The following PFAS variants were observed in gnomAD, a reference collection of about 807,000 sequenced individuals.
PFAS encodes the protein FGAM synthase.
In PFAS, 97 loss-of-function variants were observed where a neutral mutation model predicts 140.6. The observed-to-expected ratio is 0.69, with a 90% CI of 0.59 to 0.82. The LOEUF (loss-of-function observed/expected upper bound fraction) is 0.82. PFAS is among the 40% of genes least tolerant of loss of function. The pLI, the probability that PFAS is intolerant of heterozygous loss-of-function variation, is 0.00. For synonymous variants in PFAS, 679 were observed against 718.8 expected (o/e 0.94, Z 0.88); for missense variants, 1,656 against 1,780.2 (o/e 0.93, Z 1.26).
rs200602464 is a variant in PFAS, at chr17:8,268,822, C to T, written c.3672C>T (p.Gly1224=). The change falls in exon 27 of 28, where the codon GGC becomes GGT. Residue 1224 remains glycine (G), a synonymous_variant. Coordinates refer to ENST00000314666, the MANE Select transcript of PFAS (RefSeq NM_012393.3). ...CCCTGATGCTGCGAGGGATGGAGGG[C>T]GCCGTGCTGCCCGTGTGGAGTGCGC... ...GPALMLRGME[G]AVLPVWSAHG... The T allele has an allele frequency of 1.0e-5, 16 of 1,607,654 alleles. No homozygotes were observed. Among genetic ancestry groups the T allele is most frequent in the African/African-American group, 1.3e-5 (1 of 75,048 alleles).
At chr17:8,255,718 G>A (rs1239444604) in intron 5 of PFAS, 27 bp downstream of exon 5, 3 of 1,595,030 alleles carry the variant, frequency 1.9e-6, no homozygotes, top group Non-Finnish European at 8.5e-7. Context: ...GGAGATGTAG[G>A]GTCCAGGATA....
At position 8,265,538 on chromosome 17, in the gene PFAS, C is replaced by T. The variant is rs760934995; in HGVS notation, c.2462-18C>T. The T allele has an allele frequency of 1.2e-6, 2 of 1,613,580 alleles. No individual in the cohort carries two copies. The highest frequency in any genetic ancestry group is 2.2e-5 in the South Asian group (2 of 91,074). On this transcript the variant is annotated intron_variant, in intron 19 of 27. Coordinates refer to ENST00000314666, the MANE Select transcript of PFAS (RefSeq NM_012393.3). ...TGGGTTGGCAACTCATTCCTTTGGA[C>T]TCCTCCTTGCTCTACAGGGTCACTG...
At position 8,262,796 on chromosome 17, in the gene PFAS, A is replaced by G. The variant is rs543416319; in HGVS notation, c.1337-124A>G. On this transcript the variant is annotated intron_variant, in intron 11 of 27. Transcript: ENST00000314666. ...GGACAACAGAGCGAGACTCCATCTC[A>G]AAAAAAAAAAAGCTGGTCAGGCTTC... The G allele has an allele frequency of 4.7e-4, 110 of 232,476 alleles. 1 individual carries two copies. Among genetic ancestry groups the G allele is most frequent in the African/African-American group, 2.1e-3 (89 of 42,566 alleles). 14.4% of individuals were successfully genotyped at this position (232,476 alleles called of 1,614,324 possible).
rs761344231 is a variant in PFAS, at chr17:8,267,272, G to T, written c.3175+37G>T. On this transcript the variant is annotated intron_variant, in intron 24 of 27. Coordinates refer to ENST00000314666, the MANE Select transcript of PFAS (RefSeq NM_012393.3). This position sits in a 1 kb window ranked among gnomAD's most constrained non-coding sequence, Gnocchi z 4.9. Reference sequence around the variant, plus strand: ...TGTGCAGAGGCTCCGCGTCCTGGGGGCACTGAGCCTGGATGCCTGGGCCTG... The same window carrying T: ...TGTGCAGAGGCTCCGCGTCCTGGGGTCACTGAGCCTGGATGCCTGGGCCTG... 3 of 1,584,372 alleles carry T rather than the reference G, an allele frequency of 1.9e-6. No homozygotes were observed. The highest frequency in any genetic ancestry group is 2.7e-5 in the African/African-American group (2 of 74,422).
chr17:8,263,930 C>T lies in PFAS; in HGVS notation c.1785C>T (p.Asp595=), dbSNP rs553963292. 8 of 1,612,258 alleles carry T rather than the reference C, an allele frequency of 5.0e-6. No individual in the cohort carries two copies. The East Asian group carries it at 1.1e-4, about 22-fold the overall frequency. The change falls in exon 15 of 28, where the codon GAC becomes GAT. Residue 595 remains aspartate (D), a synonymous_variant. Transcript: ENST00000314666. The part of the protein sequence containing the change: ...PACFVGTITG[D]RRIVLVDDRE... ...GCTTCGTGGGCACCATCACTGGAGA[C>T]CGGAGAGTGAGTTGGCCCAGGGAGT... is the stretch of plus-strand genomic sequence containing the variant.
chr17:8,266,925 T>G lies in PFAS; in HGVS notation c.2967+27T>G, dbSNP rs769810583. The G allele has an allele frequency of 5.6e-6, 9 of 1,598,768 alleles. No homozygotes were observed. The highest frequency in any genetic ancestry group is 8.5e-7 in the Non-Finnish European group (1 of 1,175,186). On this transcript the variant is annotated intron_variant, in intron 23 of 27. Transcript: ENST00000314666. This position sits in a 1 kb window ranked among gnomAD's most constrained non-coding sequence, Gnocchi z 5.0. The stretch of plus-strand genomic sequence containing the variant: ...TGAGGAAGTGAGGGAGAGAGCGGTG[T>G]GCAGTGGGCAGTCAGAGTGGGGTGG...
At chr17:8,248,082 G>T, upstream of PFAS, 2 of 1,373,170 alleles carry the variant, frequency 1.5e-6, no homozygotes, top group African/African-American at 1.4e-5. Flanking sequence ...GCTCGCTTGG[G>T]GGTGGGGATG....
At position 8,257,813 on chromosome 17, in the gene PFAS, A is replaced by G. The variant is rs140737695; in HGVS notation, c.1082A>G (p.Asn361Ser). The G allele has an allele frequency of 2.1e-3, 3,364 of 1,613,762 alleles. 48 individuals are homozygous for G. In the South Asian group the frequency reaches 0.029, roughly 14 times the overall value. Residue 361 changes from asparagine to serine, a missense_variant, in exon 10 of 28, where the codon AAT (asparagine) becomes AGT (serine). By Grantham distance (46) the Asn-to-Ser change is conservative. Transcript: ENST00000314666. Reference protein sequence around the residue: ...CFGNLHIPGYNLPWEDPSFQY... With the variant: ...CFGNLHIPGYSLPWEDPSFQY... ...CTCTCTCCTTCCCTCCCAGGTTACA[A>G]TCTGCCCTGGGAGGATCCAAGCTTC...
At chr17:8,258,709 G>A (rs1012103133) in intron 11 of PFAS, among the ~76,000 whole-genome samples, 4 of 151,958 alleles carry the variant, frequency 2.6e-5, no homozygotes, top group Admixed American at 2.0e-4. Flanking sequence ...GGCATCTGCC[G>A]GGCATGGTGG....
intron 20 of PFAS, 86 bp from the exon 21 acceptor site, chr17:8,265,776 A>G: frequency 7.3e-7 from 1 of 1,366,246 alleles, no homozygotes; most frequent in Non-Finnish European, 1.0e-6. Flanking sequence ...GTCTCACCAC[A>G]TGCTGGGAAT....
chr17:8,247,787 G>A (rs1988882869), upstream of PFAS: 4 of 590,382 alleles, frequency 6.8e-6, no homozygotes, highest in South Asian at 2.0e-5. Flanking sequence ...AGAGTGAACG[G>A]AGACCAGTTT....
Position 8,266,135 on chromosome 17 carries a change from C to T in PFAS, c.2702-99C>T. 2 of 1,556,554 alleles carry T rather than the reference C, an allele frequency of 1.3e-6. No individual in the cohort carries two copies. The highest frequency in any genetic ancestry group is 1.2e-5 in the South Asian group (1 of 83,520). ...GGACGATGTACCCCAGATCCCCTGA[C>T]ATTCTGACACACACTCTTGATGGAC... is the stretch of plus-strand genomic sequence containing the variant. On this transcript the variant is annotated intron_variant, in intron 21 of 27. Coordinates refer to ENST00000314666, the MANE Select transcript of PFAS (RefSeq NM_012393.3). The surrounding 1 kb of genome is among the most constrained non-coding windows in gnomAD (Gnocchi z 5.0).
chr17:8,263,464 G>A, intron 13 of PFAS, 111 bp from the exon 14 acceptor site: 1 of 1,069,080 alleles, frequency 9.4e-7, no homozygotes. Flanking sequence ...GGGTGCGGCA[G>A]CAGTTGACAC....
In PFAS at chr17:8,255,514, C is replaced by G. The variant is rs199913413; in HGVS notation, c.397C>G (p.Pro133Ala). The G allele has an allele frequency of 1.3e-6, 2 of 1,517,774 alleles. No homozygotes were observed. Among genetic ancestry groups the G allele is most frequent in the Non-Finnish European group, 1.8e-6 (2 of 1,134,602 alleles). The allele number at this position is 1,517,774 out of a possible 1,614,324, so 94.0% of individuals were successfully genotyped here. A position where few individuals can be genotyped will look rare whatever the true frequency, so the allele number is the denominator to read the frequency against. Residue 133 changes from proline (P) to alanine (A), a missense_variant, in exon 5 of 28, where the codon CCG becomes GCG. Pro to Ala is a conservative substitution (Grantham distance 27). Coordinates refer to ENST00000314666, the MANE Select transcript of PFAS (RefSeq NM_012393.3). ...TCTGCACCCCTAGTTTGCCCACCCC[C>G]CGTCAGCTGAGGTGGAAGCCATTGC... ...RRYRLSFAHP[P>A]SAEVEAIALA... is the part of the protein sequence containing the mutation.
intron 10 of PFAS, 54 bp downstream of exon 10, chr17:8,257,992 G>A: frequency 2.5e-6 from 4 of 1,611,848 alleles, no homozygotes; most frequent in South Asian, 2.2e-5. Flanking sequence ...TGTGGGTGGG[G>A]TGTGCGACCC....
intron 11 of PFAS, among the ~76,000 whole-genome samples, chr17:8,260,867 G>A (rs536691668): frequency 9.2e-5 from 14 of 152,110 alleles, no homozygotes; most frequent in Admixed American, 2.0e-4. Flanking sequence ...CTCGTGATCC[G>A]CCTGCCTCAG....
At chr17:8,257,252 T>C (rs1243517674) in intron 9 of PFAS, among the ~76,000 whole-genome samples, 1 of 152,244 alleles carries the variant, frequency 6.6e-6, no homozygotes. Context: ...CCCTCAAATC[T>C]GGTTTCTTAG....
intron 4 of PFAS, 116 bp downstream of exon 4, chr17:8,255,248 G>A (rs768108927): frequency 6.5e-6 from 5 of 763,372 alleles, no homozygotes; most frequent in African/African-American, 3.5e-5. Flanking sequence ...CTGTATGGTC[G>A]TACAAGTTGT....
At position 8,251,020 on chromosome 17, in the gene PFAS, G is replaced by A. The variant is rs543223207; in HGVS notation, c.-80+1681G>A. On this transcript the variant is annotated intron_variant, in intron 1 of 27. Transcript: ENST00000314666. The stretch of plus-strand genomic sequence containing the variant: ...AAGATGAGGTCTGCCTGGCGCAGTC[G>A]CTCACGCCTATAATCCCAGCACTTT... Among the ~76,000 whole-genome samples the A allele has an allele frequency of 4.6e-5, 7 of 151,408 alleles. No individual in the cohort carries two copies. In the South Asian group the frequency reaches 8.4e-4, roughly 18 times the overall value.
Sources: gnomAD v4.1 joint callset for allele counts (sites outside exome capture counted in the v4.1 genomes callset) on GRCh38, gnomAD v4.1.1 for gene constraint, Gnocchi (gnomAD v3.1) non-coding constraint, MANE v1.5 for transcripts, NCBI Gene and HGNC (gene_info 2026-07-23, HGNC 2026-07-21) for gene names.